Variants in SUCLG2 observed in about 807,000 individuals in gnomAD.
SUCLG2 encodes succinate-CoA ligase GDP-forming subunit beta.
In SUCLG2, 42 loss-of-function variants were observed where a neutral mutation model predicts 47.9. The observed-to-expected ratio is 0.88, with a 90% CI of 0.69 to 1.14. SUCLG2 has a LOEUF of 1.14. Ranked by LOEUF, SUCLG2 falls within the 50% of genes most tolerant of loss-of-function variation. The pLI is 0.00. For synonymous variants in SUCLG2, 195 were observed against 197.3 expected (o/e 0.99, Z 0.10); for missense variants, 571 against 525.9 (o/e 1.09, Z -0.84).
intron 9 of SUCLG2, among the ~76,000 whole-genome samples, chr3:67,424,486 C>T (rs1365328937): frequency 6.6e-6 from 1 of 152,128 alleles, no homozygotes; most frequent in African/African-American, 2.4e-5. Context: ...AGTGGTAATA[C>T]AGGGATGTGT....
At chr3:67,498,426 G>C in intron 7 of SUCLG2, 131 bp from the exon 8 acceptor site, 1 of 1,008,064 alleles carries the variant, frequency 9.9e-7, no homozygotes, top group Non-Finnish European at 1.4e-6. Flanking sequence ...ACAGGCAGGA[G>C]AGGCTGCTTT....
At chr3:67,475,737 C>T (rs1362933865) in intron 9 of SUCLG2, among the ~76,000 whole-genome samples, 4 of 149,340 alleles carry the variant, frequency 2.7e-5, no homozygotes, top group Admixed American at 6.7e-5. Flanking sequence ...TTTTTGAGAG[C>T]GAGATGGAGT....
At chr3:67,520,685 A>G (rs780423974) in intron 4 of SUCLG2, 51 bp from the exon 5 acceptor site, 19 of 1,555,784 alleles carry the variant, frequency 1.2e-5, no homozygotes, top group Non-Finnish European at 1.6e-5. Flanking sequence ...GCTGATTTCT[A>G]CTTGGAAATC....
chr3:67,652,669 T>C (rs976445721), intron 1 of SUCLG2, among the ~76,000 whole-genome samples: 1 of 152,214 alleles, frequency 6.6e-6, no homozygotes, highest in African/African-American at 2.4e-5. Context: ...TGCATGTTGA[T>C]ATAATATATT....
chr3:67,515,840 C>A (rs1026895272), intron 6 of SUCLG2, among the ~76,000 whole-genome samples: 1 of 152,146 alleles, frequency 6.6e-6, no homozygotes, highest in Admixed American at 6.5e-5. Context: ...GCACAGCTTT[C>A]CCTGGGATCC....
intron 9 of SUCLG2, among the ~76,000 whole-genome samples, chr3:67,444,719 G>A (rs1260410947): frequency 1.4e-4 from 2 of 14,092 alleles, no homozygotes; most frequent in African/African-American, 7.4e-4. Context: ...CCGGCCAGCC[G>A]CCCCGTCTGG....
chr3:67,649,339 C>T (rs1208482879), intron 1 of SUCLG2, among the ~76,000 whole-genome samples: 2 of 152,190 alleles, frequency 1.3e-5, no homozygotes, highest in Non-Finnish European at 2.9e-5. Context: ...TTCCTGTCTG[C>T]ATTCACTCAG....
chr3:67,590,447 A>G (rs1478733017), intron 2 of SUCLG2, among the ~76,000 whole-genome samples: 1 of 152,090 alleles, frequency 6.6e-6, no homozygotes, highest in East Asian at 1.9e-4. Context: ...TGTTTGGGTC[A>G]TGGGGGAAGA....
intron 2 of SUCLG2, among the ~76,000 whole-genome samples, chr3:67,572,458 G>T (rs534165460): frequency 6.6e-6 from 1 of 152,122 alleles, no homozygotes; most frequent in Non-Finnish European, 1.5e-5. Context: ...ACTAATTTCT[G>T]CTTGAGCTTC....
At chr3:67,563,959 C>CA (rs756674869) in intron 2 of SUCLG2, among the ~76,000 whole-genome samples, 1,129 of 77,218 alleles carry the variant, frequency 0.015, 10 homozygotes, top group Non-Finnish European at 0.022. Flanking sequence ...GACTCTGTCT[C>CA]AAAAAAAAAA....
chr3:67,506,406 A>G (rs1417160959), intron 7 of SUCLG2, among the ~76,000 whole-genome samples: 1 of 152,182 alleles, frequency 6.6e-6, no homozygotes, highest in Non-Finnish European at 1.5e-5. Flanking sequence ...ACTAAAGATA[A>G]TTTTGCTCTT....
intron 6 of SUCLG2, among the ~76,000 whole-genome samples, chr3:67,510,332 G>A (rs1449877041): frequency 1.3e-5 from 2 of 152,106 alleles, no homozygotes; most frequent in African/African-American, 2.4e-5. Context: ...CCAAATTTGA[G>A]GGCTAGTAGA....
chr3:67,601,774 G>C (rs1373498321), intron 2 of SUCLG2, among the ~76,000 whole-genome samples: 1 of 152,080 alleles, frequency 6.6e-6, no homozygotes, highest in Non-Finnish European at 1.5e-5. Context: ...TCGAGGCCAG[G>C]AGTTCGAGAC....
intron 10 of SUCLG2, among the ~76,000 whole-genome samples, chr3:67,363,437 T>C (rs1268192329): frequency 6.6e-6 from 1 of 152,244 alleles, no homozygotes; most frequent in Non-Finnish European, 1.5e-5. Context: ...CCTGTATTTG[T>C]GGGTTTCTGC....
intron 2 of SUCLG2, among the ~76,000 whole-genome samples, chr3:67,585,992 C>CA (rs1491229038): frequency 1.5e-5 from 1 of 66,720 alleles, no homozygotes; most frequent in Non-Finnish European, 2.9e-5. Flanking sequence ...AAAAAAAAAA[C>CA]CAAACCCACA....
chr3:67,406,477 C>T (rs1458047722), intron 9 of SUCLG2, among the ~76,000 whole-genome samples: 1 of 152,114 alleles, frequency 6.6e-6, no homozygotes, highest in East Asian at 1.9e-4. Context: ...GAGGGCCTCT[C>T]ATAGGCAGAG....
At chr3:67,648,155 G>C (rs1701223209) in intron 1 of SUCLG2, among the ~76,000 whole-genome samples, 1 of 152,172 alleles carries the variant, frequency 6.6e-6, no homozygotes, top group Non-Finnish European at 1.5e-5. Context: ...AGTAAATTGA[G>C]GCTCAGTCAG....
At position 67,649,600 on chromosome 3, in the gene SUCLG2, T is replaced by C. The variant is rs575835880; in HGVS notation, c.84+4903A>G. ...GCTCACTACAACTACTCTCCCCCTG[T>C]TCTCTCACCTCTGCCTCTGCATGAA... On this transcript the variant is annotated intron_variant, in intron 1 of 10. Coordinates refer to ENST00000307227, the MANE Select transcript of SUCLG2 (RefSeq NM_003848.4). Among the ~76,000 whole-genome samples, 3 of 152,326 alleles carry C rather than the reference T, an allele frequency of 2.0e-5. 1 individual carries two copies. The South Asian group carries it at 6.2e-4, about 32-fold the overall frequency.
intron 2 of SUCLG2, among the ~76,000 whole-genome samples, chr3:67,581,168 G>A (rs182716513): frequency 8.5e-5 from 13 of 152,270 alleles, no homozygotes; most frequent in Admixed American, 2.6e-4. Flanking sequence ...GAGTTACTGC[G>A]CATGTCACCA....
Sources: gnomAD v4.1 joint callset for allele counts (sites outside exome capture counted in the v4.1 genomes callset) on GRCh38, gnomAD v4.1.1 for gene constraint, MANE v1.5 for transcripts, NCBI Gene and HGNC (gene_info 2026-07-23, HGNC 2026-07-21) for gene names.